Variants in CTIF observed in about 807,000 individuals in gnomAD.
CTIF encodes CBP80/20-dependent translation initiation factor.
A neutral mutation model predicts 66.0 loss-of-function variants in CTIF; 21 were observed. The observed-to-expected ratio is 0.32, with a 90% confidence interval of 0.23 to 0.46. The LOEUF is 0.46. Among genes scored for constraint, CTIF ranks in the 20% least tolerant of loss-of-function variants. CTIF has a pLI of 1.00. For missense variants in CTIF, 739 were observed against 812.7 expected, an observed-to-expected ratio of 0.91 and a Z score of 1.10; for synonymous variants, 345 against 326.4, an observed-to-expected ratio of 1.06 and a Z score of -0.62.
At chr18:48,575,700 G>A (rs995670654) in intron 1 of CTIF, among the ~76,000 whole-genome samples, 1 of 131,962 alleles carries the variant, frequency 7.6e-6, no homozygotes, top group East Asian at 2.1e-4. Context: ...GGCTCAGACC[G>A]GGGCCGTCCT....
chr18:48,819,181 C>T (rs965440231), intron 10 of CTIF, among the ~76,000 whole-genome samples: 3 of 152,200 alleles, frequency 2.0e-5, no homozygotes, highest in Admixed American at 6.5e-5. Context: ...AGATTTGTTT[C>T]GCAGATTCAG....
intron 9 of CTIF, among the ~76,000 whole-genome samples, chr18:48,775,360 C>T (rs1304480238): frequency 6.6e-6 from 1 of 152,260 alleles, no homozygotes. Flanking sequence ...TTTTCCTTTT[C>T]CTTTTGATGA....
chr18:48,841,194 T>G (rs1034437586), intron 10 of CTIF, among the ~76,000 whole-genome samples: 21 of 152,126 alleles, frequency 1.4e-4, no homozygotes, highest in Admixed American at 1.2e-3. Context: ...AAGAAGCTTC[T>G]TCCCAGTCTC....
At chr18:48,539,978 G>A (rs2088567218) in intron 1 of CTIF, 3 of 152,100 alleles carry the variant, frequency 2.0e-5, no homozygotes, top group Admixed American at 2.0e-4. Flanking sequence ...GTGTGAGTGT[G>A]CGCGCCCGTC....
chr18:48,633,752 CTTATAG>C (rs146428571), intron 2 of CTIF, among the ~76,000 whole-genome samples: 116 of 150,438 alleles, frequency 7.7e-4, no homozygotes, highest in African/African-American at 2.6e-3. Flanking sequence ...TACATATATA[CTTATAG>C]TTATGTATGC....
At chr18:48,642,186 C>T (rs1452923938) in intron 3 of CTIF, among the ~76,000 whole-genome samples, 8 of 152,160 alleles carry the variant, frequency 5.3e-5, no homozygotes, top group African/African-American at 1.7e-4. Flanking sequence ...TGAGTGGGAG[C>T]TTCTGGATCA....
chr18:48,755,192 A>G (rs563067253), intron 7 of CTIF, among the ~76,000 whole-genome samples: 21 of 152,374 alleles, frequency 1.4e-4, no homozygotes, highest in Non-Finnish European at 2.9e-4. Context: ...GGAATTTCCA[A>G]GGTTCCTCTC....
At chr18:48,841,121 G>A (rs76984555) in intron 10 of CTIF, among the ~76,000 whole-genome samples, 9,164 of 152,146 alleles carry the variant, frequency 0.06, 526 homozygotes, top group East Asian at 0.32. Flanking sequence ...TCTGAGGTTG[G>A]TAAAAGCCCC....
At chr18:48,770,994 T>TG (rs1431376362) in intron 9 of CTIF, among the ~76,000 whole-genome samples, 16 of 152,044 alleles carry the variant, frequency 1.1e-4, no homozygotes, top group Non-Finnish European at 1.5e-5. Flanking sequence ...GCATTTCCAT[T>TG]TCCCCCCCCT....
At position 48,571,128 on chromosome 18, in the gene CTIF, C is replaced by T. The variant is rs8093039; in HGVS notation, c.-29+31816C>T. Among the ~76,000 whole-genome samples the T allele has an allele frequency of 3.6e-3, 541 of 152,282 alleles. 3 individuals carry two copies. Among genetic ancestry groups the T allele is most frequent in the African/African-American group, 0.012 (501 of 41,548 alleles). On this transcript the variant is annotated intron_variant, in intron 1 of 11. Transcript: ENST00000256413. Reference sequence around the variant, plus strand: ...CCTGTCCCCACCTACCCCCTTCCGTCTTGCCTTATGCCCTCCTGGAGGTAA... The same window carrying T: ...CCTGTCCCCACCTACCCCCTTCCGTTTTGCCTTATGCCCTCCTGGAGGTAA...
chr18:48,657,589 A>G (rs1342285357), intron 3 of CTIF, among the ~76,000 whole-genome samples: 2 of 152,098 alleles, frequency 1.3e-5, no homozygotes, highest in African/African-American at 4.8e-5. Context: ...CAATGACGAG[A>G]GGAATCAGCT....
chr18:48,851,881 T>A (rs2069209876), intron 10 of CTIF, among the ~76,000 whole-genome samples: 1 of 151,998 alleles, frequency 6.6e-6, no homozygotes, highest in Non-Finnish European at 1.5e-5. Flanking sequence ...TTTTAAGGAT[T>A]TTTTTTTCCT....
At chr18:48,841,914 C>CT (rs1209232883) in intron 10 of CTIF, among the ~76,000 whole-genome samples, 1 of 152,156 alleles carries the variant, frequency 6.6e-6, no homozygotes, top group African/African-American at 2.4e-5. Flanking sequence ...GCAGGGACTC[C>CT]TCAGCGCTCA....
intron 1 of CTIF, among the ~76,000 whole-genome samples, chr18:48,590,024 T>C (rs1284250200): frequency 6.6e-6 from 1 of 151,962 alleles, no homozygotes; most frequent in Non-Finnish European, 1.5e-5. Context: ...GCTGTTTTTC[T>C]GATTGCTCTG....
chr18:48,861,439 G>GC lies in CTIF; in HGVS notation c.*1884dup, dbSNP rs1383618172. ...CCCAGCCCAGCCTGGGAACACAGAT[G>GC]CCCCGCGGGTAGGAGGCCTCGAGGG... On this transcript the variant is annotated 3_prime_UTR_variant, in exon 12 of 12. Transcript: ENST00000256413. The GC allele has an allele frequency of 1.3e-5, 2 of 152,290 alleles. No individual in the cohort carries two copies. Among genetic ancestry groups the GC allele is most frequent in the African/African-American group, 4.8e-5 (2 of 41,406 alleles). The allele number at this position is 152,290 out of a possible 1,614,324, so 9.4% of individuals were successfully genotyped here. A position where few individuals can be genotyped will look rare whatever the true frequency, so the allele number is the denominator to read the frequency against.
chr18:48,609,145 AC>A (rs2090261680), intron 1 of CTIF, among the ~76,000 whole-genome samples: 1 of 152,186 alleles, frequency 6.6e-6, no homozygotes, highest in South Asian at 2.1e-4. Context: ...GGTTGGCAAA[AC>A]AGGTCAACCC....
intron 1 of CTIF, among the ~76,000 whole-genome samples, chr18:48,582,335 A>T (rs1220567057): frequency 6.6e-6 from 1 of 152,088 alleles, no homozygotes; most frequent in East Asian, 1.9e-4. Context: ...CACCCGTGGG[A>T]ACAGAGAAGA....
chr18:48,732,713 C>T (rs192788739), intron 7 of CTIF, among the ~76,000 whole-genome samples: 366 of 152,338 alleles, frequency 2.4e-3, no homozygotes, highest in African/African-American at 8.3e-3. Context: ...GCAGCATTGC[C>T]TCTCCTCCAG....
chr18:48,639,827 T>C (rs28532249), intron 3 of CTIF, among the ~76,000 whole-genome samples: 17,790 of 152,168 alleles, frequency 0.12, 1,462 homozygotes, highest in East Asian at 0.41. Context: ...CCATGGTGGC[T>C]CATACCCACG....
Sources: gnomAD v4.1 joint callset for allele counts (sites outside exome capture counted in the v4.1 genomes callset) on GRCh38, gnomAD v4.1.1 for gene constraint, MANE v1.5 for transcripts, NCBI Gene and HGNC (gene_info 2026-07-23, HGNC 2026-07-21) for gene names.